Variants in CSMD3 observed in about 807,000 individuals in gnomAD.
CSMD3 encodes CUB and Sushi multiple domains 3, also known as CUB and sushi domain-containing protein 3.
A neutral mutation model predicts 435.2 loss-of-function variants in CSMD3; 177 were observed. The ratio of observed to expected loss-of-function variants is 0.41; its 90% CI spans 0.36 to 0.46. The LOEUF is 0.46. Among genes scored for constraint, CSMD3 ranks in the 20% least tolerant of loss-of-function variants. The probability of loss-of-function intolerance (pLI) is 0.34; values close to 1 mark genes in which losing one functional copy is unlikely to be tolerated. For synonymous variants in CSMD3, 1,656 were observed against 1,520.5 expected, an observed-to-expected ratio of 1.09 and a Z score of -2.07; for missense variants, 4,265 against 4,504.6, an observed-to-expected ratio of 0.95 and a Z score of 1.52.
intron 1 of CSMD3, among the ~76,000 whole-genome samples, chr8:113,363,133 T>G (rs191709320): frequency 6.6e-6 from 1 of 152,304 alleles, no homozygotes; most frequent in Non-Finnish European, 1.5e-5. Context: ...TTGACTCTCA[T>G]AAGGTTAAGC....
chr8:112,870,259 A>C (rs1299677027), intron 10 of CSMD3, among the ~76,000 whole-genome samples: 4 of 150,604 alleles, frequency 2.7e-5, no homozygotes, highest in African/African-American at 9.7e-5. Context: ...ATCTCACGTC[A>C]GTCAGAATGG....
chr8:113,221,045 A>G (rs1018432882), intron 3 of CSMD3, among the ~76,000 whole-genome samples: 1 of 151,402 alleles, frequency 6.6e-6, no homozygotes, highest in African/African-American at 2.4e-5. Flanking sequence ...TAGAAAGCCT[A>G]TGTAAATATT....
At chr8:112,875,553 A>C (rs889569009) in intron 10 of CSMD3, among the ~76,000 whole-genome samples, 1 of 152,188 alleles carries the variant, frequency 6.6e-6, no homozygotes, top group African/African-American at 2.4e-5. Context: ...TTTCATGTAC[A>C]GCAATCAAAC....
chr8:112,681,201 GT>G (rs1051165138), intron 16 of CSMD3, among the ~76,000 whole-genome samples: 2 of 150,728 alleles, frequency 1.3e-5, no homozygotes, highest in Admixed American at 6.6e-5. Flanking sequence ...CACCCGGCTA[GT>G]TTTTTTTCTT....
At chr8:112,410,163 CA>C (rs1392184269) in intron 32 of CSMD3, among the ~76,000 whole-genome samples, 3 of 151,686 alleles carry the variant, frequency 2.0e-5, no homozygotes, top group African/African-American at 7.3e-5. Context: ...CATAATATGG[CA>C]AACAAAGCTA....
intron 17 of CSMD3, among the ~76,000 whole-genome samples, chr8:112,657,772 G>A (rs886495916): frequency 9.2e-5 from 14 of 152,114 alleles, no homozygotes; most frequent in African/African-American, 1.4e-4. Context: ...ACATCTTTCA[G>A]TTTCAGCTTA....
intron 1 of CSMD3, among the ~76,000 whole-genome samples, chr8:113,373,517 G>C (rs1445620918): frequency 2.0e-5 from 3 of 151,440 alleles, no homozygotes. Flanking sequence ...AACACTTTCA[G>C]CTTACATTAT....
At chr8:112,666,997 CTCT>C (rs1355657689) in intron 16 of CSMD3, among the ~76,000 whole-genome samples, 1 of 152,094 alleles carries the variant, frequency 6.6e-6, no homozygotes, top group Non-Finnish European at 1.5e-5. Flanking sequence ...GTATTTTGAT[CTCT>C]TTTCTTTTTA....
intron 66 of CSMD3, among the ~76,000 whole-genome samples, chr8:112,240,690 A>G (rs1313050819): frequency 6.6e-6 from 1 of 152,086 alleles, no homozygotes; most frequent in East Asian, 1.9e-4. Flanking sequence ...AATACTGAAT[A>G]AGCATGATAT....
At chr8:112,314,361 G>A (rs1822264811) in intron 48 of CSMD3, 68 bp downstream of exon 48, 1 of 1,177,060 alleles carries the variant, frequency 8.5e-7, no homozygotes, top group South Asian at 1.2e-5. Context: ...TATACTCAAA[G>A]TTTACATGTA....
chr8:113,184,634 A>G (rs2092472047), intron 3 of CSMD3, among the ~76,000 whole-genome samples: 1 of 152,110 alleles, frequency 6.6e-6, no homozygotes, highest in African/African-American at 2.4e-5. Context: ...CGTATGGCCA[A>G]ATCACTAGAA....
At chr8:112,929,248 G>A (rs1315333682) in intron 9 of CSMD3, among the ~76,000 whole-genome samples, 2 of 116,496 alleles carry the variant, frequency 1.7e-5, no homozygotes, top group Non-Finnish European at 3.4e-5. Flanking sequence ...GAGGGGGGAG[G>A]GATAGCATTG....
chr8:112,831,688 T>A (rs116341029), intron 11 of CSMD3, among the ~76,000 whole-genome samples: 1,708 of 152,278 alleles, frequency 0.011, 31 homozygotes, highest in African/African-American at 0.038. Context: ...CTCAGACTGC[T>A]TGTCTACTTG....
chr8:112,282,547 C>T lies in CSMD3; in HGVS notation c.9332-1197G>A, dbSNP rs183699819. On this transcript the variant is annotated intron_variant, in intron 58 of 70. Coordinates refer to ENST00000297405, the MANE Select transcript of CSMD3 (RefSeq NM_198123.2). Reference sequence around the variant, plus strand: ...GTAATTTTTATTTTGAAATAGAGACCTAGGCAGAGTCAAATTTCTGCACAA... The same window carrying T: ...GTAATTTTTATTTTGAAATAGAGACTTAGGCAGAGTCAAATTTCTGCACAA... Among the ~76,000 whole-genome samples the T allele has an allele frequency of 9.3e-4, 142 of 152,000 alleles. No homozygotes were observed. The Middle Eastern group carries it at 0.017, about 18-fold the overall frequency.
At chr8:112,242,867 A>G (rs1814300963) in intron 65 of CSMD3, among the ~76,000 whole-genome samples, 1 of 152,104 alleles carries the variant, frequency 6.6e-6, no homozygotes, top group South Asian at 2.1e-4. Context: ...ACAGCTGTTG[A>G]AGCCACTGGT....
intron 32 of CSMD3, among the ~76,000 whole-genome samples, chr8:112,417,509 A>C (rs1454314550): frequency 6.6e-6 from 1 of 152,154 alleles, no homozygotes; most frequent in Non-Finnish European, 1.5e-5. Context: ...GATAGGCAAA[A>C]TTTAATTGAA....
intron 9 of CSMD3, among the ~76,000 whole-genome samples, chr8:112,945,883 G>C (rs2083595021): frequency 6.6e-6 from 1 of 151,410 alleles, no homozygotes; most frequent in Non-Finnish European, 1.5e-5. Context: ...CCTGCCGGTG[G>C]GACACATATA....
intron 5 of CSMD3, among the ~76,000 whole-genome samples, chr8:113,048,166 C>G (rs984406788): frequency 6.6e-6 from 1 of 150,418 alleles, no homozygotes; most frequent in Non-Finnish European, 1.5e-5. Flanking sequence ...GATCTCGGCT[C>G]ACTGCAAGCT....
In CSMD3 at chr8:112,241,751, A is replaced by G. The variant is rs2130064871; in HGVS notation, c.10437T>C (p.Pro3479=). 6.2e-7 allele frequency: 1 copy of G among 1,612,902 alleles called. No individual in the cohort carries two copies. Among genetic ancestry groups the G allele is most frequent in the South Asian group, 1.1e-5 (1 of 91,074 alleles). ...GCTTTGGGCTGGGTGTTCCCAGTGCAGGTCTAGGATCTTTCACCAATATTT... is the reference window on the plus strand; with the variant it reads ...GCTTTGGGCTGGGTGTTCCCAGTGCGGGTCTAGGATCTTTCACCAATATTT... ...GSKILVKDPR[P]ALGTPSPKLS... is the part of the protein sequence containing the mutation. The change falls in exon 66 of 71, where the codon CCT becomes CCC. Residue 3479 remains proline, a synonymous_variant. Transcript: ENST00000297405.
Sources: gnomAD v4.1 joint callset for allele counts (sites outside exome capture counted in the v4.1 genomes callset) on GRCh38, gnomAD v4.1.1 for gene constraint, MANE v1.5 for transcripts, NCBI Gene and HGNC (gene_info 2026-07-23, HGNC 2026-07-21) for gene names.